Variants in RHPN2 observed in about 807,000 individuals in gnomAD.
RHPN2 encodes the protein rhophilin Rho GTPase binding protein 2.
A neutral mutation model predicts 79.0 loss-of-function variants in RHPN2; 40 were observed. That is an observed-to-expected ratio of 0.51 (90% CI 0.39 to 0.66). RHPN2 has a LOEUF of 0.66. RHPN2 is among the 30% of genes least tolerant of loss of function. RHPN2 has a pLI of 0.00. For missense variants in RHPN2, 686 were observed against 883.5 expected (o/e 0.78, Z 2.83); for synonymous variants, 285 against 363.5 (o/e 0.78, Z 2.46).
In RHPN2 at chr19:32,978,969, G is replaced by A. The variant is rs1416996573; in HGVS notation, c.*1027C>T. 2 of 152,090 alleles carry A rather than the reference G, an allele frequency of 1.3e-5. No homozygotes were observed. The highest frequency in any genetic ancestry group is 2.4e-5 in the African/African-American group (1 of 41,414). The allele number at this position is 152,090 out of a possible 1,614,324, so 9.4% of individuals were successfully genotyped here. A position where few individuals can be genotyped will look rare whatever the true frequency, so the allele number is the denominator to read the frequency against. ...TCGAAACCCGCCTGGCCAACATGGT[G>A]AAACCTCACCTCAACTAAAAATACA... On this transcript the variant is annotated 3_prime_UTR_variant, in exon 15 of 15. Transcript: ENST00000254260.
intron 10 of RHPN2, among the ~76,000 whole-genome samples, chr19:32,998,824 G>T (rs1255658001): frequency 7.3e-6 from 1 of 137,590 alleles, no homozygotes; most frequent in Non-Finnish European, 1.6e-5. Context: ...GAGAGGGGAA[G>T]GGTGAGGGGA....
chr19:33,060,067 A>G (rs1451276733), intron 1 of RHPN2, among the ~76,000 whole-genome samples: 1 of 152,212 alleles, frequency 6.6e-6, no homozygotes, highest in East Asian at 1.9e-4. Context: ...CATGAGGGCC[A>G]TCAAGTCTAC....
rs772781302 is a variant in RHPN2, at chr19:33,008,013, C to T, written c.760+1G>A. 2 of 1,612,124 alleles carry T rather than the reference C, an allele frequency of 1.2e-6. No individual in the cohort carries two copies. The highest frequency in any genetic ancestry group is 1.7e-6 in the Non-Finnish European group (2 of 1,179,914). Reference sequence around the variant, plus strand: ...TCTGGTCAGCCCTGGAGGAGACATACCTGCGGCTCTCTGAAAGGCATCTAT... The same window carrying T: ...TCTGGTCAGCCCTGGAGGAGACATATCTGCGGCTCTCTGAAAGGCATCTAT... On this transcript the variant is annotated splice_donor_variant, in intron 7 of 14. Coordinates refer to ENST00000254260, the MANE Select transcript of RHPN2 (RefSeq NM_033103.5). LOFTEE classifies it high-confidence loss of function.
intron 2 of RHPN2, among the ~76,000 whole-genome samples, chr19:33,036,563 C>T (rs943501426): frequency 2.6e-5 from 4 of 152,200 alleles, no homozygotes; most frequent in Non-Finnish European, 4.4e-5. Context: ...TTCAGCCCGC[C>T]GCTGCACTGT....
At chr19:33,031,816 G>A (rs1475310718) in intron 2 of RHPN2, among the ~76,000 whole-genome samples, 1 of 151,436 alleles carries the variant, frequency 6.6e-6, no homozygotes, top group Non-Finnish European at 1.5e-5. Flanking sequence ...CGAGTAGCTG[G>A]GACAGTGATT....
chr19:32,996,585 C>T (rs1599810395), intron 10 of RHPN2: 2 of 354,864 alleles, frequency 5.6e-6, no homozygotes, highest in Non-Finnish European at 1.1e-5. Flanking sequence ...GCATTTATCT[C>T]TTAGTGATAG....
At chr19:33,038,199 A>AT (rs1388557274) in intron 2 of RHPN2, among the ~76,000 whole-genome samples, 1 of 151,794 alleles carries the variant, frequency 6.6e-6, no homozygotes, top group Non-Finnish European at 1.5e-5. Context: ...AAATACAAAA[A>AT]TTAGCTGGGC....
intron 3 of RHPN2, among the ~76,000 whole-genome samples, chr19:33,023,860 C>T (rs1455701228): frequency 1.3e-5 from 2 of 151,934 alleles, no homozygotes; most frequent in Non-Finnish European, 2.9e-5. Flanking sequence ...TGAATCTGCA[C>T]AGCTCTCCCT....
rs773295049 is a variant in RHPN2 at position 33,064,817 on chromosome 19, C to T, written c.36G>A (p.Pro12=). ...TDALLPAAPQ[P]LEKENDGYFR... is the part of the protein sequence containing the mutation. ...AGTAGCCGTCGTTCTCCTTCTCCAGCGGCTGGGGGGCCGCGGGCAACAGCG... is the reference window on the plus strand; with the variant it reads ...AGTAGCCGTCGTTCTCCTTCTCCAGTGGCTGGGGGGCCGCGGGCAACAGCG... The change falls in exon 1 of 15, where the codon CCG becomes CCA. Residue 12 remains proline (P), a synonymous_variant. Transcript: ENST00000254260. 3 of 1,505,912 alleles carry T rather than the reference C, an allele frequency of 2.0e-6. No individual in the cohort carries two copies. The highest frequency in any genetic ancestry group is 2.4e-5 in the South Asian group (2 of 82,236). The allele number at this position is 1,505,912 out of a possible 1,614,324, so 93.3% of individuals were successfully genotyped here.
At chr19:33,051,094 C>T (rs765036204) in intron 1 of RHPN2, among the ~76,000 whole-genome samples, 2 of 152,122 alleles carry the variant, frequency 1.3e-5, no homozygotes, top group African/African-American at 2.4e-5. Context: ...TGGACTCAAG[C>T]GATTCTCCTG....
At chr19:33,019,832 A>G (rs574592834) in intron 4 of RHPN2, among the ~76,000 whole-genome samples, 4 of 152,154 alleles carry the variant, frequency 2.6e-5, no homozygotes, top group Non-Finnish European at 5.9e-5. Context: ...TCATGATACT[A>G]GGATTAATTC....
chr19:33,004,864 G>A (rs552223215), intron 7 of RHPN2, among the ~76,000 whole-genome samples: 3 of 151,908 alleles, frequency 2.0e-5, no homozygotes, highest in African/African-American at 4.8e-5. Flanking sequence ...TGGGATAACA[G>A]GCGTGAGCCA....
chr19:33,034,352 TC>T (rs1248598786), intron 2 of RHPN2, among the ~76,000 whole-genome samples: 2 of 138,032 alleles, frequency 1.4e-5, no homozygotes, highest in African/African-American at 5.6e-5. Context: ...ATGCCTATAA[TC>T]CCAGCACTTT....
At chr19:33,011,536 T>C (rs2288853) in intron 6 of RHPN2, 143 bp downstream of exon 6, 748,906 of 992,296 alleles carry the variant, frequency 0.75, 285,079 homozygotes, top group African/African-American at 0.92. Context: ...TGACATCTTT[T>C]GAGACTTCCC....
chr19:33,005,216 C>CCT (rs1971780264), intron 7 of RHPN2, among the ~76,000 whole-genome samples: 1 of 151,678 alleles, frequency 6.6e-6, no homozygotes, highest in African/African-American at 2.4e-5. Flanking sequence ...GAGTTCAAGA[C>CCT]CAGCCTGGCC....
intron 1 of RHPN2, among the ~76,000 whole-genome samples, chr19:33,060,595 T>C (rs1972271600): frequency 6.6e-6 from 1 of 151,596 alleles, no homozygotes; most frequent in Non-Finnish European, 1.5e-5. Flanking sequence ...TGCAGTGACA[T>C]GATAACAGCT....
In RHPN2 at chr19:33,064,701, G is replaced by A; in HGVS notation, c.69+83C>T. On this transcript the variant is annotated intron_variant, in intron 1 of 14. Coordinates refer to ENST00000254260, the MANE Select transcript of RHPN2 (RefSeq NM_033103.5). ...TCCCGGCCTAGTGGACCCCGACTGCGCGCTCCCACGGCCCCTGCAGGGCCC... is the reference window on the plus strand; with the variant it reads ...TCCCGGCCTAGTGGACCCCGACTGCACGCTCCCACGGCCCCTGCAGGGCCC... The A allele has an allele frequency of 2.1e-6, 3 of 1,399,262 alleles. No homozygotes were observed. The South Asian group carries it at 3.8e-5, about 18-fold the overall frequency. 86.7% of individuals were successfully genotyped at this position (1,399,262 alleles called of 1,614,324 possible).
At chr19:33,023,312 G>A (rs1340176988) in intron 3 of RHPN2, among the ~76,000 whole-genome samples, 1 of 151,764 alleles carries the variant, frequency 6.6e-6, no homozygotes, top group Non-Finnish European at 1.5e-5. Context: ...ATGTGTGCCT[G>A]TAATCCCAGC....
In RHPN2 at chr19:32,996,025, C is replaced by G. The variant is rs1439301257; in HGVS notation, c.1420+1G>C. On this transcript the variant is annotated splice_donor_variant, in intron 11 of 14. Coordinates refer to ENST00000254260, the MANE Select transcript of RHPN2 (RefSeq NM_033103.5). LOFTEE classifies it high-confidence loss of function. ...GAGGGAACACAGTCTAGGCTACTCACCAACAACACTGGGGGCGTCGATCAG... is the reference window on the plus strand; with the variant it reads ...GAGGGAACACAGTCTAGGCTACTCAGCAACAACACTGGGGGCGTCGATCAG... 6.2e-7 allele frequency: 1 copy of G among 1,613,990 alleles called. No individual in the cohort carries two copies. The highest frequency in any genetic ancestry group is 1.7e-5 in the Admixed American group (1 of 60,010).
Sources: gnomAD v4.1 joint callset for allele counts (sites outside exome capture counted in the v4.1 genomes callset) on GRCh38, gnomAD v4.1.1 for gene constraint, MANE v1.5 for transcripts, NCBI Gene and HGNC (gene_info 2026-07-23, HGNC 2026-07-21) for gene names.